DGCR8: variants seen among roughly 807,000 people sequenced by gnomAD.
The protein encoded by DGCR8 is microprocessor complex subunit DGCR8.
DGCR8 carries 14 observed loss-of-function variants against 78.5 expected under a neutral mutation model. That is an observed-to-expected ratio of 0.18 (90% CI 0.12 to 0.28). The LOEUF is 0.28. DGCR8 is among the 10% of genes least tolerant of loss of function. DGCR8 has a pLI of 1.00. For missense variants in DGCR8, 702 were observed against 1,022.5 expected, an observed-to-expected ratio of 0.69 and a Z score of 4.28; for synonymous variants, 399 against 402.4, an observed-to-expected ratio of 0.99 and a Z score of 0.10.
Position 20,086,772 on chromosome 22 carries a change from TAA to T in DGCR8, c.720+102_720+103del, listed in dbSNP as rs376450423. 1.5e-3 allele frequency: 1,747 copies of T among 1,134,460 alleles called. No homozygotes were observed. Among genetic ancestry groups the T allele is most frequent in the Non-Finnish European group, 1.7e-3 (1,417 of 842,972 alleles). The allele number at this position is 1,134,460 out of a possible 1,614,324, so 70.3% of individuals were successfully genotyped here. ...CAGCATCTTTTGAAAGCAGGGAAAT[TAA>T]AAAAAAAAAAAACAAAAACCAAAAT... On this transcript the variant is annotated intron_variant, in intron 2 of 13. Coordinates refer to ENST00000351989, the MANE Select transcript of DGCR8 (RefSeq NM_022720.7). This position sits in a 1 kb window ranked among gnomAD's most constrained non-coding sequence, Gnocchi z 6.4.
At position 20,110,922 on chromosome 22, in the gene DGCR8, C is replaced by T. The variant is rs941860928; in HGVS notation, c.*814C>T. 7.3e-5 allele frequency: 26 copies of T among 355,952 alleles called. No individual in the cohort carries two copies. In the Admixed American group the frequency reaches 8.4e-4, roughly 12 times the overall value. 22.0% of individuals were successfully genotyped at this position (355,952 alleles called of 1,614,324 possible). Reference sequence around the variant, plus strand: ...GTTTTTTACAAAGATTTTTTGCAGTCGAGTCCATATGTCCACCCATTGATT... The same window carrying T: ...GTTTTTTACAAAGATTTTTTGCAGTTGAGTCCATATGTCCACCCATTGATT... On this transcript the variant is annotated 3_prime_UTR_variant, in exon 14 of 14. Transcript: ENST00000351989.
chr22:20,103,426 A>AT (rs1422200856), intron 9 of DGCR8, among the ~76,000 whole-genome samples: 1 of 152,142 alleles, frequency 6.6e-6, no homozygotes, highest in African/African-American at 2.4e-5. Flanking sequence ...CAGAGCTAGA[A>AT]TTTGTTTTAT....
At chr22:20,084,107 G>A (rs17817767) in intron 1 of DGCR8, among the ~76,000 whole-genome samples, 7,338 of 152,246 alleles carry the variant, frequency 0.048, 245 homozygotes, top group East Asian at 0.092. Flanking sequence ...CATATAGTGC[G>A]TTCCTCGGAG....
At chr22:20,102,237 A>T in intron 9 of DGCR8, 2 of 299,300 alleles carry the variant, frequency 6.7e-6, no homozygotes, top group Non-Finnish European at 9.9e-6. Flanking sequence ...TTGTTGGTCA[A>T]ACTCTCCCAC....
At chr22:20,083,500 C>A (rs1029007579) in intron 1 of DGCR8, among the ~76,000 whole-genome samples, 1 of 152,028 alleles carries the variant, frequency 6.6e-6, no homozygotes, top group African/African-American at 2.4e-5. Flanking sequence ...TGTAAGGCAC[C>A]AGGCTTTCCT....
rs966862454 is a variant in DGCR8 at position 20,091,767 on chromosome 22, A to G, written c.1505-102A>G. ...TCCCATGAATGCAGGGGTCTGCCAC[A>G]TTCACGGTCGTGAGCCCCTAGTTAC... On this transcript the variant is annotated intron_variant, in intron 6 of 13. Coordinates refer to ENST00000351989, the MANE Select transcript of DGCR8 (RefSeq NM_022720.7). 3.9e-5 allele frequency: 58 copies of G among 1,494,860 alleles called. No homozygotes were observed. In the East Asian group the frequency reaches 1.1e-3, roughly 28 times the overall value. The allele number at this position is 1,494,860 out of a possible 1,614,324, so 92.6% of individuals were successfully genotyped here.
rs2049524029 is a variant in DGCR8 at position 20,089,167 on chromosome 22, G to A, written c.881-502G>A. ...CTATAAAGCAAAGAAGGGGTTGGGA[G>A]TAGTGTATTAAACCAACTTAGAAAC... On this transcript the variant is annotated intron_variant, in intron 3 of 13. Transcript: ENST00000351989. This position sits in a 1 kb window ranked among gnomAD's most constrained non-coding sequence, Gnocchi z 4.9. 6.6e-6 allele frequency among the ~76,000 whole-genome samples: 1 copy of A among 152,264 alleles called. No individual in the cohort carries two copies. The highest frequency in any genetic ancestry group is 2.4e-5 in the African/African-American group (1 of 41,472).
Position 20,092,828 on chromosome 22 carries a change from T to G in DGCR8, c.1626T>G (p.Phe542Leu). 1 of 1,613,142 alleles carries G rather than the reference T, an allele frequency of 6.2e-7. No homozygotes were observed. Among genetic ancestry groups the G allele is most frequent in the Non-Finnish European group, 8.5e-7 (1 of 1,179,600 alleles). ...TTTAAGAGAACCCAAGTGAGCCTTT[T>G]GGTGCCTCGGTGACCATTGATGGTG... Reference protein sequence around the residue: ...FFECENPSEPFGASVTIDGVT... With the variant: ...FFECENPSEPLGASVTIDGVT... Residue 542 changes from phenylalanine (F) to leucine (L), a missense_variant, in exon 8 of 14, where the codon TTT (phenylalanine) becomes TTG (leucine). Around this residue, in one of 4 missense-constraint regions of DGCR8, gnomAD observed 225 missense variants for 427.7 expected, o/e 0.53. Coordinates refer to ENST00000351989, the MANE Select transcript of DGCR8 (RefSeq NM_022720.7).
chr22:20,098,019 C>T (rs190066158), intron 9 of DGCR8, among the ~76,000 whole-genome samples: 19 of 149,822 alleles, frequency 1.3e-4, no homozygotes, highest in Admixed American at 4.0e-4. Context: ...TGCAGCTACC[C>T]GGGAGGCTGA....
intron 3 of DGCR8, among the ~76,000 whole-genome samples, chr22:20,088,266 C>T (rs1024841354): frequency 2.0e-4 from 31 of 152,260 alleles, no homozygotes; most frequent in African/African-American, 7.2e-4. Flanking sequence ...GGGGCTTCAG[C>T]TTCTGGGGCT....
rs773999657 is a variant in DGCR8 at position 20,091,888 on chromosome 22, C to T, written c.1524C>T (p.Asn508=). 22 of 1,614,014 alleles carry T rather than the reference C, an allele frequency of 1.4e-5. 1 individual carries two copies. The highest frequency in any genetic ancestry group is 5.0e-5 in the Admixed American group (3 of 60,006). Residue 508 remains asparagine (N), a synonymous_variant, in exon 7 of 14, where the codon AAC becomes AAT. Transcript: ENST00000351989. ...TCACAGAGTTTGTTATTAACCCCAA[C>T]GGGAAATCCGAGGTCTGCATCCTGC... The part of the protein sequence containing the change: ...PTKKEFVINP[N]GKSEVCILHE...
At chr22:20,093,308 G>A (rs975397896) in intron 8 of DGCR8, among the ~76,000 whole-genome samples, 2 of 152,104 alleles carry the variant, frequency 1.3e-5, no homozygotes, top group African/African-American at 4.8e-5. Flanking sequence ...GGGAGGCTGA[G>A]GCAGGAGAAT....
Position 20,106,749 on chromosome 22 carries a change from G to A in DGCR8, c.1996+51G>A, listed in dbSNP as rs562091734. 8 of 1,301,474 alleles carry A rather than the reference G, an allele frequency of 6.1e-6. No individual in the cohort carries two copies. The South Asian group carries it at 9.5e-5, about 15-fold the overall frequency. 80.6% of individuals were successfully genotyped at this position (1,301,474 alleles called of 1,614,324 possible). A position where few individuals can be genotyped will look rare whatever the true frequency, so the allele number is the denominator to read the frequency against. The stretch of plus-strand genomic sequence containing the variant: ...GTGGCCGCTGGGCGGGCGGCCCCTG[G>A]TGTGGCCCTGCGCCTCTGTGGCTTG... On this transcript the variant is annotated intron_variant, in intron 11 of 13. Coordinates refer to ENST00000351989, the MANE Select transcript of DGCR8 (RefSeq NM_022720.7).
At chr22:20,106,087 T>A in intron 9 of DGCR8, 90 bp from the exon 10 acceptor site, 1 of 984,810 alleles carries the variant, frequency 1.0e-6, no homozygotes, top group Non-Finnish European at 1.6e-6. Context: ...GAACAGACAT[T>A]AAGCATCTGG....
At chr22:20,095,815 G>C (rs529118956) in intron 9 of DGCR8, among the ~76,000 whole-genome samples, 22 of 152,202 alleles carry the variant, frequency 1.4e-4, no homozygotes, top group African/African-American at 5.1e-4. Context: ...CCCTGAGCTT[G>C]TTTTCTTGCA....
At chr22:20,109,941 C>A (rs1216542302) in intron 13 of DGCR8, 84 bp from the exon 14 acceptor site, 9 of 1,354,180 alleles carry the variant, frequency 6.6e-6, no homozygotes, top group Non-Finnish European at 9.4e-6. Context: ...GCATGATCTG[C>A]TGGGCTCTCC....
chr22:20,100,473 C>CT, intron 9 of DGCR8: 1 of 985,378 alleles, frequency 1.0e-6, no homozygotes, highest in African/African-American at 1.7e-5. Flanking sequence ...CACCAAAACT[C>CT]TTAGTATGGG....
chr22:20,090,047 G>T lies in DGCR8; in HGVS notation c.1095G>T (p.Glu365Asp), dbSNP rs542710807. 6.2e-7 allele frequency: 1 copy of T among 1,614,234 alleles called. No homozygotes were observed. The highest frequency in any genetic ancestry group is 1.3e-5 in the African/African-American group (1 of 75,064). ...YKKMKDNEER[E>D]QSSDLTPSGD... ...AAATGAAGGACAACGAGGAACGGGA[G>T]CAAAGCAGTGACCTCACCCCTAGTG... Residue 365 changes from glutamate (E) to aspartate (D), a missense_variant, in exon 5 of 14, where the codon GAG (glutamate) becomes GAT (aspartate). Physicochemically the swap from Glu to Asp is conservative, Grantham distance 45 (BLOSUM62 2). Transcript: ENST00000351989.
chr22:20,087,338 G>T lies in DGCR8; in HGVS notation c.880+17G>T, dbSNP rs370291130. The T allele has an allele frequency of 6.3e-7, 1 of 1,588,060 alleles. No individual in the cohort carries two copies. Among genetic ancestry groups the T allele is most frequent in the Non-Finnish European group, 8.6e-7 (1 of 1,161,976 alleles). On this transcript the variant is annotated intron_variant, in intron 3 of 13. Transcript: ENST00000351989. The surrounding 1 kb of genome is among the most constrained non-coding windows in gnomAD (Gnocchi z 4.1). ...TGCTCAAAAGTACGTGTGTGGGTCAGAAGCAGTGGGTGTTCCAGGGCAGTG... is the reference window on the plus strand; with the variant it reads ...TGCTCAAAAGTACGTGTGTGGGTCATAAGCAGTGGGTGTTCCAGGGCAGTG...
Sources: allele counts gnomAD v4.1 joint callset (sites outside exome capture counted in the v4.1 genomes callset), GRCh38; gene constraint gnomAD v4.1.1; regional missense constraint gnomAD v4.1.1; non-coding constraint Gnocchi (gnomAD v3.1); transcripts MANE v1.5; gene names NCBI Gene and HGNC (gene_info 2026-07-23, HGNC 2026-07-21).